The following NEDD9 variants were observed in gnomAD, a reference collection of about 807,000 sequenced individuals.
The protein encoded by NEDD9 is enhancer of filamentation 1.
In NEDD9, 26 loss-of-function variants were observed where a neutral mutation model predicts 76.6. The ratio of observed to expected loss-of-function variants is 0.34; its 90% CI spans 0.25 to 0.47. The LOEUF (loss-of-function observed/expected upper bound fraction) is 0.47. Among genes scored for constraint, NEDD9 ranks in the 20% least tolerant of loss-of-function variants. The pLI is 1.00. For missense variants in NEDD9, 937 were observed against 1,058.5 expected (o/e 0.89, Z 1.59); for synonymous variants, 392 against 414.2 (o/e 0.95, Z 0.65).
intron 3 of NEDD9, among the ~76,000 whole-genome samples, chr6:11,262,505 G>A (rs1412609314): frequency 6.6e-6 from 1 of 152,148 alleles, no homozygotes; most frequent in Non-Finnish European, 1.5e-5. Context: ...CATAGGCTTT[G>A]TTCACTTCCC....
At chr6:11,261,380 A>G (rs1760110815) in intron 3 of NEDD9, among the ~76,000 whole-genome samples, 1 of 152,188 alleles carries the variant, frequency 6.6e-6, no homozygotes, top group African/African-American at 2.4e-5. Flanking sequence ...ATTAGAACCT[A>G]TGTCTTTGCA....
chr6:11,293,652 A>G (rs576290059), intron 3 of NEDD9, among the ~76,000 whole-genome samples: 3 of 151,598 alleles, frequency 2.0e-5, no homozygotes, highest in Middle Eastern at 6.9e-3. Flanking sequence ...AGAATATTTA[A>G]GATCTACTGT....
chr6:11,275,217 T>C (rs951446534), intron 3 of NEDD9, among the ~76,000 whole-genome samples: 1 of 151,324 alleles, frequency 6.6e-6, no homozygotes, highest in Non-Finnish European at 1.5e-5. Context: ...AAGTAGAGAG[T>C]AGAAAGGTGG....
chr6:11,206,590 T>C (rs1184654117), intron 2 of NEDD9, among the ~76,000 whole-genome samples: 5 of 152,218 alleles, frequency 3.3e-5, no homozygotes, highest in Non-Finnish European at 7.3e-5. Context: ...CATGAAATCA[T>C]TGAAAAAGGA....
At chr6:11,240,145 A>C (rs181971403) in intron 3 of NEDD9, among the ~76,000 whole-genome samples, 1 of 151,488 alleles carries the variant, frequency 6.6e-6, no homozygotes, top group Admixed American at 6.6e-5. Context: ...ATTTCTTCTC[A>C]TTTGGTTCCC....
chr6:11,353,157 T>G (rs1762501909), intron 1 of NEDD9, among the ~76,000 whole-genome samples: 1 of 152,266 alleles, frequency 6.6e-6, no homozygotes, highest in African/African-American at 2.4e-5. Context: ...AAAGAGTTAT[T>G]TTTCTGTCCC....
At chr6:11,268,732 C>A (rs55637840) in intron 3 of NEDD9, among the ~76,000 whole-genome samples, 12,056 of 125,564 alleles carry the variant, frequency 0.096, 901 homozygotes, top group African/African-American at 0.23. Context: ...CCATCACACA[C>A]ACACACACAC....
intron 1 of NEDD9, among the ~76,000 whole-genome samples, chr6:11,340,026 G>C (rs1443089311): frequency 6.6e-6 from 1 of 152,128 alleles, no homozygotes; most frequent in Non-Finnish European, 1.5e-5. Context: ...ATTAGTGATG[G>C]CCGCAAGTTC....
chr6:11,377,729 A>G (rs1762990409), intron 1 of NEDD9, among the ~76,000 whole-genome samples: 1 of 152,202 alleles, frequency 6.6e-6, no homozygotes, highest in Admixed American at 6.5e-5. Context: ...AGATGATTGT[A>G]TTTTGCAATG....
At chr6:11,373,166 C>T (rs1305034491) in intron 1 of NEDD9, among the ~76,000 whole-genome samples, 1 of 149,178 alleles carries the variant, frequency 6.7e-6, no homozygotes. Context: ...AAAAAAAAAA[C>T]TCATGAAGAA....
intron 2 of NEDD9, among the ~76,000 whole-genome samples, chr6:11,204,715 G>A (rs1406468052): frequency 1.0e-4 from 7 of 68,400 alleles, no homozygotes; most frequent in Non-Finnish European, 1.5e-4. Flanking sequence ...GGGAGGGTCC[G>A]TCTCAAAAAA....
intron 2 of NEDD9, among the ~76,000 whole-genome samples, chr6:11,319,369 A>G (rs1452282509): frequency 6.6e-6 from 1 of 150,990 alleles, no homozygotes; most frequent in Non-Finnish European, 1.5e-5. Context: ...ATGCACACTA[A>G]CATACACACA....
intron 1 of NEDD9, among the ~76,000 whole-genome samples, chr6:11,340,445 C>G (rs1668108481): frequency 6.6e-6 from 1 of 152,102 alleles, no homozygotes; most frequent in African/African-American, 2.4e-5. Context: ...GAATTATATG[C>G]ACCAGGTATA....
intron 1 of NEDD9, among the ~76,000 whole-genome samples, chr6:11,343,528 T>G (rs1276793051): frequency 6.6e-6 from 1 of 152,212 alleles, no homozygotes; most frequent in Non-Finnish European, 1.5e-5. Context: ...TATCTCTGTC[T>G]AACACACTGG....
At chr6:11,303,677 T>G (rs1225311675) in intron 3 of NEDD9, among the ~76,000 whole-genome samples, 1 of 152,150 alleles carries the variant, frequency 6.6e-6, no homozygotes, top group African/African-American at 2.4e-5. Context: ...CCATCTGAAC[T>G]TTGGCAAACC....
intron 3 of NEDD9, among the ~76,000 whole-genome samples, chr6:11,288,737 C>T (rs574834901): frequency 6.6e-6 from 1 of 152,326 alleles, no homozygotes; most frequent in African/African-American, 2.4e-5. Context: ...ACATGGATAA[C>T]ATTTCATCCA....
chr6:11,335,780 G>A (rs1269473591), intron 1 of NEDD9, among the ~76,000 whole-genome samples: 1 of 152,180 alleles, frequency 6.6e-6, no homozygotes, highest in African/African-American at 2.4e-5. Context: ...ATAAAGATGT[G>A]TTTGAGTCTA....
At chr6:11,258,904 A>G (rs1760056130) in intron 3 of NEDD9, 1 of 152,246 alleles carries the variant, frequency 6.6e-6, no homozygotes, top group Non-Finnish European at 1.5e-5. Flanking sequence ...GACACACTTC[A>G]TTTCTCTCTG....
Position 11,273,254 on chromosome 6 carries a change from T to C in NEDD9, c.12+32738A>G, listed in dbSNP as rs189826900. The stretch of plus-strand genomic sequence containing the variant: ...AGCCAGGCAATTAACCATCTACTTT[T>C]CCTTATGTGAGTGTACTTTACCTAA... On this transcript the variant is annotated intron_variant, in intron 3 of 3. Transcript: ENST00000397378. Among the ~76,000 whole-genome samples, 10 of 152,354 alleles carry C rather than the reference T, an allele frequency of 6.6e-5. No individual in the cohort carries two copies. In the East Asian group the frequency reaches 1.5e-3, roughly 24 times the overall value.
Sources: allele counts gnomAD v4.1 joint callset (sites outside exome capture counted in the v4.1 genomes callset), GRCh38; gene constraint gnomAD v4.1.1; transcripts MANE v1.5; gene names NCBI Gene and HGNC (gene_info 2026-07-23, HGNC 2026-07-21).